Variants in ESM1 observed in about 807,000 individuals in gnomAD.
The protein encoded by ESM1 is endothelial cell-specific molecule 1.
Under a neutral mutation model 14.9 loss-of-function variants are expected in ESM1, and 7 were observed. That is an observed-to-expected ratio of 0.47 (90% confidence interval 0.27 to 0.88). The LOEUF (loss-of-function observed/expected upper bound fraction) is 0.88, where lower values mean the gene tolerates loss of function less well. ESM1 is among the 40% of genes least tolerant of loss of function. ESM1 has a pLI of 0.14. For missense variants in ESM1, 192 were observed against 237.9 expected (o/e 0.81, Z 1.27); for synonymous variants, 89 against 89.4 (o/e 1.00, Z 0.02).
At position 54,979,206 on chromosome 5, in the gene ESM1, C is replaced by T. The variant is rs1580278422; in HGVS notation, c.*126G>A. On this transcript the variant is annotated 3_prime_UTR_variant, in exon 3 of 3. Coordinates refer to ENST00000381405, the MANE Select transcript of ESM1 (RefSeq NM_007036.5). ...CCTACTTTTTGTTTTCTGGATCCAC[C>T]ATGCATCACATTTGGTCTTCAAAAA... 2.9e-6 allele frequency: 2 copies of T among 692,558 alleles called. No homozygotes were observed. The highest frequency in any genetic ancestry group is 1.8e-5 in the African/African-American group (1 of 56,288). The allele number at this position is 692,558 out of a possible 1,614,324, so 42.9% of individuals were successfully genotyped here. A position where few individuals can be genotyped will look rare whatever the true frequency, so the allele number is the denominator to read the frequency against.
At chr5:54,983,145 G>A (rs908688879) in intron 1 of ESM1, among the ~76,000 whole-genome samples, 1 of 152,144 alleles carries the variant, frequency 6.6e-6, no homozygotes, top group African/African-American at 2.4e-5. Context: ...TGACCAAGTA[G>A]ATCATCAATG....
chr5:54,980,062 T>A (rs890365225), intron 2 of ESM1, among the ~76,000 whole-genome samples: 6 of 152,196 alleles, frequency 3.9e-5, no homozygotes, highest in Non-Finnish European at 7.3e-5. Flanking sequence ...TGTGGAATGC[T>A]TTAAGAAGAT....
At position 54,985,289 on chromosome 5, in the gene ESM1, A is replaced by T; in HGVS notation, c.229T>A (p.Cys77Ser). 6.2e-7 allele frequency: 1 copy of T among 1,614,108 alleles called. No homozygotes were observed. The highest frequency in any genetic ancestry group is 2.2e-5 in the East Asian group (1 of 44,850). ...RTVSGMDGMK[C>S]GPGLRCQPSN... ...GGCTGACACCTCAGCCCCGGGCCAC[A>T]CTTCATGCCATCCATGCCTGAGACT... Residue 77 changes from cysteine (C) to serine (S), a missense_variant, in exon 1 of 3, where the codon TGT becomes AGT. By Grantham distance (112) the Cys-to-Ser change is moderately radical (BLOSUM62 -1). Coordinates refer to ENST00000381405, the MANE Select transcript of ESM1 (RefSeq NM_007036.5).
intron 2 of ESM1, among the ~76,000 whole-genome samples, chr5:54,980,789 G>C (rs955325724): frequency 1.3e-5 from 2 of 152,172 alleles, no homozygotes; most frequent in African/African-American, 2.4e-5. Flanking sequence ...TCATTTTAAT[G>C]TGTTTAGTTG....
intron 2 of ESM1, 34 bp from the exon 3 acceptor site, chr5:54,979,469 C>T (rs1262944709): frequency 1.5e-6 from 2 of 1,368,724 alleles, no homozygotes; most frequent in African/African-American, 1.4e-5. Context: ...CATGTCCAAA[C>T]ATCTATAGCT....
intron 1 of ESM1, among the ~76,000 whole-genome samples, chr5:54,984,126 G>C (rs935283450): frequency 3.3e-5 from 5 of 151,976 alleles, no homozygotes; most frequent in Admixed American, 3.3e-4. Flanking sequence ...ATTAAAAGAT[G>C]ATTAATTTAT....
At chr5:54,983,592 G>A (rs747826202) in intron 1 of ESM1, among the ~76,000 whole-genome samples, 6 of 152,154 alleles carry the variant, frequency 3.9e-5, no homozygotes, top group East Asian at 1.9e-4. Flanking sequence ...TCTCTATCTC[G>A]AGTTGCTAAG....
chr5:54,979,000 C>A lies in ESM1; in HGVS notation c.*332G>T, dbSNP rs1271657973. On this transcript the variant is annotated 3_prime_UTR_variant, in exon 3 of 3. Coordinates refer to ENST00000381405, the MANE Select transcript of ESM1 (RefSeq NM_007036.5). ...GTCAAAGAACTAATTTGACTCACTGCGGTCTTCAGCTTTGCCTAGCTCCCT... is the reference window on the plus strand; with the variant it reads ...GTCAAAGAACTAATTTGACTCACTGAGGTCTTCAGCTTTGCCTAGCTCCCT... 2 of 187,112 alleles carry A rather than the reference C, an allele frequency of 1.1e-5. No individual in the cohort carries two copies. Among genetic ancestry groups the A allele is most frequent in the Non-Finnish European group, 1.1e-5 (1 of 91,360 alleles). The allele number at this position is 187,112 out of a possible 1,614,324, so 11.6% of individuals were successfully genotyped here.
intron 2 of ESM1, among the ~76,000 whole-genome samples, chr5:54,979,732 G>A (rs1452257656): frequency 6.6e-6 from 1 of 152,082 alleles, no homozygotes; most frequent in Non-Finnish European, 1.5e-5. Context: ...ACAAAGGTAG[G>A]GACTTTATTT....
chr5:54,981,577 T>C (rs545856574), intron 2 of ESM1, among the ~76,000 whole-genome samples: 3 of 152,356 alleles, frequency 2.0e-5, no homozygotes, highest in African/African-American at 7.2e-5. Context: ...TCTTGACTCT[T>C]AAAGCTTATC....
At chr5:54,985,145 A>C in intron 1 of ESM1, 72 bp downstream of exon 1, 1 of 1,416,782 alleles carries the variant, frequency 7.1e-7, no homozygotes, top group Non-Finnish European at 9.6e-7. Context: ...GAGCAAAGCC[A>C]CCTCACCTCC....
At chr5:54,983,980 G>A (rs976628378) in intron 1 of ESM1, among the ~76,000 whole-genome samples, 3 of 152,084 alleles carry the variant, frequency 2.0e-5, no homozygotes, top group Non-Finnish European at 4.4e-5. Flanking sequence ...AAAGAAACAT[G>A]CATATGTGTT....
At chr5:54,980,319 A>G (rs970215661) in intron 2 of ESM1, among the ~76,000 whole-genome samples, 1 of 152,194 alleles carries the variant, frequency 6.6e-6, no homozygotes, top group Admixed American at 6.5e-5. Flanking sequence ...TGAAGCTTGC[A>G]GCCATTTAGC....
chr5:54,979,917 A>G (rs1744018386), intron 2 of ESM1, among the ~76,000 whole-genome samples: 2 of 152,250 alleles, frequency 1.3e-5, no homozygotes, highest in African/African-American at 4.8e-5. Context: ...AAGGCAGACC[A>G]ATGGGTAGAA....
chr5:54,979,296 G>A lies in ESM1; in HGVS notation c.*36C>T, dbSNP rs201584228. On this transcript the variant is annotated 3_prime_UTR_variant, in exon 3 of 3. Coordinates refer to ENST00000381405, the MANE Select transcript of ESM1 (RefSeq NM_007036.5). The stretch of plus-strand genomic sequence containing the variant: ...TGTTGGCTGTGTGTTGAACAATCAC[G>A]AAAATAGAGCCTTCTCTCAGAAATC... The A allele has an allele frequency of 8.8e-6, 13 of 1,481,550 alleles. No individual in the cohort carries two copies. Among genetic ancestry groups the A allele is most frequent in the Middle Eastern group, 1.7e-4 (1 of 5,810 alleles). 91.8% of individuals were successfully genotyped at this position (1,481,550 alleles called of 1,614,324 possible).
rs1296863433 is a variant in ESM1, at chr5:54,979,278, T to G, written c.*54A>C. 7 of 1,280,200 alleles carry G rather than the reference T, an allele frequency of 5.5e-6. No individual in the cohort carries two copies. The highest frequency in any genetic ancestry group is 8.0e-6 in the Non-Finnish European group (7 of 878,868). 79.3% of individuals were successfully genotyped at this position (1,280,200 alleles called of 1,614,324 possible). The stretch of plus-strand genomic sequence containing the variant: ...TCTAGAAAGTTCCTAAAATGTTGGC[T>G]GTGTGTTGAACAATCACGAAAATAG... On this transcript the variant is annotated 3_prime_UTR_variant, in exon 3 of 3. Transcript: ENST00000381405.
chr5:54,981,005 A>T (rs563778227), intron 2 of ESM1, among the ~76,000 whole-genome samples: 5 of 152,204 alleles, frequency 3.3e-5, no homozygotes, highest in South Asian at 2.1e-4. Flanking sequence ...TTATTTATTT[A>T]TTTTTTATAA....
chr5:54,983,811 G>A (rs1049425737), intron 1 of ESM1, among the ~76,000 whole-genome samples: 4 of 152,122 alleles, frequency 2.6e-5, no homozygotes, highest in African/African-American at 9.7e-5. Flanking sequence ...ATGTACAAAG[G>A]CATATTATGC....
chr5:54,979,396 T>C lies in ESM1; in HGVS notation c.491A>G (p.Glu164Gly). Residue 164 changes from glutamate (E) to glycine (G), a missense_variant, in exon 3 of 3, where the codon GAA (glutamate) becomes GGA (glycine). By Grantham distance (98) the Glu-to-Gly change is moderately conservative. Transcript: ENST00000381405. ...GGCAGCATTCTCTTTCACAACTTCT[T>C]CTCTCACAATATTGCCATCTCCAGA... Reference protein sequence around the residue: ...MASGDGNIVREEVVKENAAGS... With the variant: ...MASGDGNIVRGEVVKENAAGS... The C allele has an allele frequency of 6.2e-7, 1 of 1,613,758 alleles. No individual in the cohort carries two copies. Among genetic ancestry groups the C allele is most frequent in the Non-Finnish European group, 8.5e-7 (1 of 1,179,710 alleles).
Sources: allele counts gnomAD v4.1 joint callset (sites outside exome capture counted in the v4.1 genomes callset), GRCh38; gene constraint gnomAD v4.1.1; transcripts MANE v1.5; gene names NCBI Gene and HGNC (gene_info 2026-07-23, HGNC 2026-07-21).